TMEM164: variants seen among roughly 807,000 people sequenced by gnomAD.
The protein encoded by TMEM164 is transmembrane protein 164.
A neutral mutation model predicts 18.8 loss-of-function variants in TMEM164; 4 were observed. That is an observed-to-expected ratio of 0.21 (90% confidence interval 0.10 to 0.49). The LOEUF is 0.49. Among genes scored for constraint, TMEM164 ranks in the 20% least tolerant of loss-of-function variants. The pLI is 0.98. For missense variants in TMEM164, 108 were observed against 239.9 expected, an observed-to-expected ratio of 0.45 and a Z score of 3.63; for synonymous variants, 86 against 101.7, an observed-to-expected ratio of 0.85 and a Z score of 0.93.
chrX:110,179,631 C>G (rs771705569), downstream of TMEM164, among the ~76,000 whole-genome samples: 2 of 112,439 alleles, frequency 1.8e-5, no homozygotes, highest in African/African-American at 3.2e-5. Flanking sequence ...GTTAGCTCCT[C>G]TCTGCAGTCT....
intron 4 of TMEM164, among the ~76,000 whole-genome samples, chrX:110,119,015 C>G (rs1199759946): frequency 9.0e-6 from 1 of 110,990 alleles, no homozygotes; most frequent in Non-Finnish European, 1.9e-5. Context: ...CACATATGTC[C>G]TGGGATCTTG....
chrX:110,064,722 A>C (rs1936254747), intron 2 of TMEM164, among the ~76,000 whole-genome samples: 1 of 110,929 alleles, frequency 9.0e-6, no homozygotes, highest in Non-Finnish European at 1.9e-5. Context: ...TAAACCTGTA[A>C]TCCCAGCACT....
At chrX:110,031,577 C>A (rs1354958287) in intron 2 of TMEM164, among the ~76,000 whole-genome samples, 1 of 111,750 alleles carries the variant, frequency 8.9e-6, no homozygotes, top group Non-Finnish European at 1.9e-5. Context: ...CCTGCCTCAA[C>A]CTCCCAAAGT....
In TMEM164 at chrX:110,176,692, A is replaced by G. The variant is rs1364645399; in HGVS notation, c.*3241A>G. 9.0e-6 allele frequency: 1 copy of G among 110,823 alleles called. No individual in the cohort carries two copies. The highest frequency in any genetic ancestry group is 1.9e-5 in the Non-Finnish European group (1 of 53,240). The allele number at this position is 110,823 out of a possible 1,213,427, so 9.1% of individuals were successfully genotyped here. On this transcript the variant is annotated 3_prime_UTR_variant, in exon 7 of 7. Coordinates refer to ENST00000372068, the MANE Select transcript of TMEM164 (RefSeq NM_032227.4). ...TGTCAGCAGGTCTCTGTGCACTGGT[A>G]TTGGGGCAGGGCAGTGCCCTGGGGG...
intron 4 of TMEM164, among the ~76,000 whole-genome samples, chrX:110,137,972 G>A (rs1050012319): frequency 5.4e-5 from 6 of 112,004 alleles, no homozygotes; most frequent in African/African-American, 1.9e-4. Context: ...ACTGATGTGG[G>A]GAGCTAAAGT....
chrX:110,081,253 G>C (rs1033084188), intron 3 of TMEM164, among the ~76,000 whole-genome samples: 8 of 111,317 alleles, frequency 7.2e-5, no homozygotes, highest in African/African-American at 2.6e-4. Flanking sequence ...ACTATAAATA[G>C]AGCAGTAGGG....
chrX:110,143,652 G>T (rs770356329), intron 4 of TMEM164, among the ~76,000 whole-genome samples: 6 of 111,041 alleles, frequency 5.4e-5, no homozygotes, highest in Non-Finnish European at 1.1e-4. Flanking sequence ...TCAGCCCTTG[G>T]CATAAGACAG....
At chrX:110,161,448 G>C (rs943305787) in intron 5 of TMEM164, among the ~76,000 whole-genome samples, 1 of 111,655 alleles carries the variant, frequency 9.0e-6, no homozygotes, top group Non-Finnish European at 1.9e-5. Context: ...TAGTGGATGA[G>C]GGGGGACCTG....
At chrX:110,166,165 A>G (rs756111426) in intron 5 of TMEM164, among the ~76,000 whole-genome samples, 5 of 111,103 alleles carry the variant, frequency 4.5e-5, no homozygotes, top group South Asian at 3.9e-4. Flanking sequence ...ATGCTGTTTC[A>G]TGTCTCCACA....
intron 2 of TMEM164, among the ~76,000 whole-genome samples, chrX:110,058,609 CTT>C (rs34108969): frequency 1.2e-5 from 1 of 81,213 alleles, no homozygotes; most frequent in Non-Finnish European, 2.3e-5. Context: ...CCCTTTCTTT[CTT>C]TTTTTTTTTT....
intron 2 of TMEM164, among the ~76,000 whole-genome samples, chrX:110,039,566 A>C (rs1184254191): frequency 1.8e-5 from 2 of 112,230 alleles, no homozygotes; most frequent in Non-Finnish European, 3.8e-5. Context: ...AGCCTTTTGA[A>C]GAGTACATTC....
intron 2 of TMEM164, 57 bp downstream of exon 2, chrX:110,004,221 C>T: frequency 8.8e-7 from 1 of 1,129,987 alleles, no homozygotes. Flanking sequence ...TTTATGTGCT[C>T]AGGACACTCC....
intron 2 of TMEM164, among the ~76,000 whole-genome samples, chrX:110,057,976 T>C: frequency 8.9e-6 from 1 of 112,361 alleles, no homozygotes; most frequent in Admixed American, 9.4e-5. Flanking sequence ...GTTTGTTTTT[T>C]ACTTTTCTTG....
chrX:110,154,304 A>G, intron 5 of TMEM164, among the ~76,000 whole-genome samples: 1 of 112,303 alleles, frequency 8.9e-6, no homozygotes, highest in Admixed American at 9.4e-5. Context: ...ATAATCCTAT[A>G]TATTCTATTT....
At chrX:110,089,677 G>A (rs2065898459) in intron 3 of TMEM164, among the ~76,000 whole-genome samples, 1 of 111,875 alleles carries the variant, frequency 8.9e-6, no homozygotes, top group Non-Finnish European at 1.9e-5. Context: ...TTGATTTATC[G>A]GGTAGACATG....
At position 110,177,368 on chromosome X, in the gene TMEM164, CCT is replaced by C. The variant is rs1372590071; in HGVS notation, c.*3918_*3919del. ...ATGCCTCTGCCCCTCTTCCCCTACC[CCT>C]GTCCTTCCTCAGTTCCCAGCTGGGA... On this transcript the variant is annotated 3_prime_UTR_variant, in exon 7 of 7. Transcript: ENST00000372068. 1.8e-5 allele frequency: 2 copies of C among 111,966 alleles called. No homozygotes were observed. Among genetic ancestry groups the C allele is most frequent in the Admixed American group, 9.4e-5 (1 of 10,617 alleles). The allele number at this position is 111,966 out of a possible 1,213,427, so 9.2% of individuals were successfully genotyped here.
intron 5 of TMEM164, among the ~76,000 whole-genome samples, chrX:110,160,616 G>A (rs1030246847): frequency 8.9e-6 from 1 of 112,029 alleles, no homozygotes; most frequent in Non-Finnish European, 1.9e-5. Context: ...GGGGTGGGGT[G>A]GAGGGCCTGC....
chrX:110,078,046 A>G (rs1358707302), intron 3 of TMEM164, among the ~76,000 whole-genome samples: 1 of 112,347 alleles, frequency 8.9e-6, no homozygotes, highest in Non-Finnish European at 1.9e-5. Context: ...ATCCTCAAAT[A>G]TGTTTTCCAA....
At chrX:110,105,718 A>G (rs1224078102) in intron 3 of TMEM164, among the ~76,000 whole-genome samples, 2 of 95,130 alleles carry the variant, frequency 2.1e-5, no homozygotes, top group Non-Finnish European at 4.1e-5. Flanking sequence ...ACACACACAC[A>G]CAGACACACA....
Sources: allele counts gnomAD v4.1 joint callset (sites outside exome capture counted in the v4.1 genomes callset), GRCh38; gene constraint gnomAD v4.1.1; transcripts MANE v1.5; gene names NCBI Gene and HGNC (gene_info 2026-07-23, HGNC 2026-07-21).